The following DAXX variants were observed in gnomAD, a reference collection of about 807,000 sequenced individuals.
DAXX encodes death domain associated protein.
A neutral mutation model predicts 61.9 loss-of-function variants in DAXX; 24 were observed. The ratio of observed to expected loss-of-function variants is 0.39; its 90% CI spans 0.28 to 0.55. The LOEUF (loss-of-function observed/expected upper bound fraction) is 0.55, where lower values mean the gene tolerates loss of function less well. DAXX is among the 20% of genes least tolerant of loss of function. The pLI is 0.69. For synonymous variants in DAXX, 357 were observed against 369.5 expected (o/e 0.97, Z 0.39); for missense variants, 819 against 935.3 (o/e 0.88, Z 1.62).
At position 33,319,764 on chromosome 6, in the gene DAXX, C is replaced by T. The variant is rs1770305394; in HGVS notation, c.1556G>A (p.Gly519Glu). 1.2e-6 allele frequency: 2 copies of T among 1,614,190 alleles called. No individual in the cohort carries two copies. The highest frequency in any genetic ancestry group is 2.7e-5 in the African/African-American group (2 of 75,042). The change falls in exon 6 of 8, where the codon GGG (glycine) becomes GAG (glutamate). Residue 519 changes from glycine to glutamate, a missense_variant. Transcript: ENST00000374542. ...EPGKQISRSSGEQQNKGRIVS... is the reference protein window; with the variant it reads ...EPGKQISRSSEEQQNKGRIVS... ...TATGCGTCCTTTGTTTTGCTGCTCC[C>T]CTGAAGATCTGCTGATCTGTTTGCC... is the stretch of plus-strand genomic sequence containing the variant.
Position 33,320,346 on chromosome 6 carries a change from CAAT to C in DAXX, c.1251+31_1251+33del. ...CCTGGTGGCCAGTGCAGGGGAAGGA[CAAT>C]GTCTCTCTGAAGGCTGTACCCCATC... On this transcript the variant is annotated intron_variant, in intron 4 of 7. Coordinates refer to ENST00000374542, the MANE Select transcript of DAXX (RefSeq NM_001141969.2). This position sits in a 1 kb window ranked among gnomAD's most constrained non-coding sequence, Gnocchi z 7.1. The C allele has an allele frequency of 1.3e-6, 2 of 1,515,630 alleles. No individual in the cohort carries two copies. Among genetic ancestry groups the C allele is most frequent in the South Asian group, 2.2e-5 (2 of 89,180 alleles). 93.9% of individuals were successfully genotyped at this position (1,515,630 alleles called of 1,614,324 possible). A position where few individuals can be genotyped will look rare whatever the true frequency, so the allele number is the denominator to read the frequency against.
chr6:33,322,127 A>C (rs2151000643), intron 1 of DAXX, 150 bp from the exon 2 acceptor site: 8 of 469,762 alleles, frequency 1.7e-5, no homozygotes, highest in South Asian at 3.3e-5. Flanking sequence ...TTAGTTCTAT[A>C]TGCTTTTTGG....
rs1246935337 is a variant in DAXX, at chr6:33,319,747, C to T, written c.1573G>A (p.Gly525Arg). The T allele has an allele frequency of 3.7e-6, 6 of 1,614,204 alleles. No homozygotes were observed. The highest frequency in any genetic ancestry group is 5.1e-6 in the Non-Finnish European group (6 of 1,180,036). Residue 525 changes from glycine to arginine, a missense_variant, in exon 6 of 8, where the codon GGA (glycine) becomes AGA (arginine). Transcript: ENST00000374542. ...SRSSGEQQNK[G>R]RIVSPSLLSE... ...AGTAACGATGGTGACACTATGCGTC[C>T]TTTGTTTTGCTGCTCCCCTGAAGAT...
At chr6:33,322,041 A>G in intron 1 of DAXX, 64 bp from the exon 2 acceptor site, 1 of 1,218,716 alleles carries the variant, frequency 8.2e-7, no homozygotes, top group Non-Finnish European at 1.1e-6. Flanking sequence ...CACCTCACAC[A>G]TTTTCTGAAC....
In DAXX at chr6:33,320,669, G is replaced by A; in HGVS notation, c.1039+67C>T. 2 of 1,604,482 alleles carry A rather than the reference G, an allele frequency of 1.2e-6. No homozygotes were observed. Among genetic ancestry groups the A allele is most frequent in the Non-Finnish European group, 1.7e-6 (2 of 1,174,088 alleles). On this transcript the variant is annotated intron_variant, in intron 3 of 7. Transcript: ENST00000374542. This position sits in a 1 kb window ranked among gnomAD's most constrained non-coding sequence, Gnocchi z 7.1. ...AGTAAAAACCCTAGAAAGGACTAGA[G>A]AGATGCCCCATCCGCCTCATACCTG...
chr6:33,322,340 G>A (rs1184959702), intron 1 of DAXX, among the ~76,000 whole-genome samples: 3 of 151,858 alleles, frequency 2.0e-5, no homozygotes, highest in African/African-American at 7.3e-5. Flanking sequence ...TCCTGTGGGC[G>A]CCACCTCATG....
rs369424162 is a variant in DAXX at position 33,319,014 on chromosome 6, G to C, written c.2146C>G (p.Arg716Gly). The change falls in exon 7 of 8, where the codon CGG becomes GGG. Residue 716 changes from arginine (R) to glycine (G), a missense_variant. By Grantham distance (125) the Arg-to-Gly change is moderately radical. Coordinates refer to ENST00000374542, the MANE Select transcript of DAXX (RefSeq NM_001141969.2). ...LSQTPHSQPP[R>G]PGTCKTSVAT... ...CTTCTTACCTTGCAAGTACCAGGCC[G>C]AGGAGGCTGTGAATGGGGGGTTTGG... The C allele has an allele frequency of 1.2e-6, 2 of 1,613,166 alleles. No homozygotes were observed. Among genetic ancestry groups the C allele is most frequent in the Admixed American group, 1.7e-5 (1 of 60,000 alleles).
In DAXX at chr6:33,321,116, G is replaced by C. The variant is rs764044001; in HGVS notation, c.659C>G (p.Ser220Cys). 1 of 1,612,912 alleles carries C rather than the reference G, an allele frequency of 6.2e-7. No homozygotes were observed. The highest frequency in any genetic ancestry group is 8.5e-7 in the Non-Finnish European group (1 of 1,178,894). Residue 220 changes from serine to cysteine, a missense_variant, in exon 3 of 8, where the codon TCC becomes TGC. Coordinates refer to ENST00000374542, the MANE Select transcript of DAXX (RefSeq NM_001141969.2). The surrounding 1 kb of genome is among the most constrained non-coding windows in gnomAD (Gnocchi z 7.2). ...LDLSELDDPD[S>C]AYLQEARLKR... is the part of the protein sequence containing the mutation. ...CAACCGTGCCTCCTGCAGGTATGCG[G>C]AGTCTGGGTCATCCAATTCTGAGAG...
chr6:33,319,553 G>A lies in DAXX; in HGVS notation c.1767C>T (p.Ser589=). Residue 589 remains serine (S), a synonymous_variant, in exon 6 of 8, where the codon TCC becomes TCT. Transcript: ENST00000374542. ...PSSVETDISS[S]RKQSEEPFTT... is the part of the protein sequence containing the mutation. ...TGAAGGGCTCCTCTGATTGCTTCCTGGAAGAGGAAATGTCCGTCTCCACAG... is the reference window on the plus strand; with the variant it reads ...TGAAGGGCTCCTCTGATTGCTTCCTAGAAGAGGAAATGTCCGTCTCCACAG... 2 of 1,614,128 alleles carry A rather than the reference G, an allele frequency of 1.2e-6. No individual in the cohort carries two copies. The highest frequency in any genetic ancestry group is 1.7e-6 in the Non-Finnish European group (2 of 1,180,006).
At position 33,321,075 on chromosome 6, in the gene DAXX, G is replaced by A. The variant is rs767991311; in HGVS notation, c.700C>T (p.Arg234Cys). The A allele has an allele frequency of 7.4e-6, 12 of 1,613,294 alleles. No individual in the cohort carries two copies. The highest frequency in any genetic ancestry group is 2.2e-5 in the East Asian group (1 of 44,892). ...AGCTCACATAGTCGCCCAAAGAGGC[G>A]GATCAGCTTACGCTTCAACCGTGCC... is the stretch of plus-strand genomic sequence containing the variant. The part of the protein sequence containing the change: ...QEARLKRKLI[R>C]LFGRLCELKD... Residue 234 changes from arginine to cysteine, a missense_variant, in exon 3 of 8, where the codon CGC becomes TGC. Coordinates refer to ENST00000374542, the MANE Select transcript of DAXX (RefSeq NM_001141969.2). This position sits in a 1 kb window ranked among gnomAD's most constrained non-coding sequence, Gnocchi z 7.2.
chr6:33,322,022 C>T, intron 1 of DAXX, 45 bp from the exon 2 acceptor site: 1 of 1,409,526 alleles, frequency 7.1e-7, no homozygotes, highest in Non-Finnish European at 9.4e-7. Flanking sequence ...CAGCATAGCC[C>T]CATCCCTTCA....
At chr6:33,318,885 G>A in intron 7 of DAXX, 83 bp from the exon 8 acceptor site, 1 of 1,260,928 alleles carries the variant, frequency 7.9e-7, no homozygotes, top group South Asian at 1.3e-5. Flanking sequence ...GATAAAATGG[G>A]TGGGAAAAAG....
chr6:33,321,673 C>T lies in DAXX; in HGVS notation c.207+46G>A, dbSNP rs761231043. The T allele has an allele frequency of 1.9e-6, 3 of 1,601,658 alleles. No homozygotes were observed. Among genetic ancestry groups the T allele is most frequent in the Non-Finnish European group, 2.6e-6 (3 of 1,171,470 alleles). On this transcript the variant is annotated intron_variant, in intron 2 of 7. Coordinates refer to ENST00000374542, the MANE Select transcript of DAXX (RefSeq NM_001141969.2). This position sits in a 1 kb window ranked among gnomAD's most constrained non-coding sequence, Gnocchi z 7.2. Reference sequence around the variant, plus strand: ...AAGAAAGGACAGGAGAACCAGTCAGCCATCCCCCTCCCTGGGGTACAACAA... The same window carrying T: ...AAGAAAGGACAGGAGAACCAGTCAGTCATCCCCCTCCCTGGGGTACAACAA...
At chr6:33,322,828 C>A in intron 1 of DAXX, 34 bp downstream of exon 1, 1 of 1,140,960 alleles carries the variant, frequency 8.8e-7, no homozygotes, top group Non-Finnish European at 1.3e-6. Context: ...TATCCCCGCC[C>A]CCGCCTCTGA....
In DAXX at chr6:33,319,406, T is replaced by C. The variant is rs2051625; in HGVS notation, c.1914A>G (p.Gln638=). ...PCKKSRKEKK[Q]TGSGPLGNSY... ...TGTTTCCTAATGGCCCTGATCCTGT[T>C]TGCTTCTTCTCCTTCCGAGATTTTT... The change falls in exon 6 of 8, where the codon CAA becomes CAG. Residue 638 remains glutamine (Q), a synonymous_variant. Coordinates refer to ENST00000374542, the MANE Select transcript of DAXX (RefSeq NM_001141969.2). 0.023 allele frequency: 37,344 copies of C among 1,612,780 alleles called. 1,732 individuals carry two copies. The highest frequency in any genetic ancestry group is 0.19 in the African/African-American group (14,339 of 74,892).
At chr6:33,319,319 T>C (rs1305713384) in intron 6 of DAXX, 61 bp downstream of exon 6, 1 of 1,570,540 alleles carries the variant, frequency 6.4e-7, no homozygotes, top group Non-Finnish European at 8.6e-7. Context: ...CCAGTATTGC[T>C]CTCCGAAAGT....
rs1243318383 is a variant in DAXX at position 33,319,401 on chromosome 6, C to G, written c.1919G>C (p.Gly640Ala). 6.2e-7 allele frequency: 1 copy of G among 1,612,654 alleles called. No homozygotes were observed. The highest frequency in any genetic ancestry group is 1.1e-5 in the South Asian group (1 of 90,990). Reference sequence around the variant, plus strand: ...TTACCTGTTTCCTAATGGCCCTGATCCTGTTTGCTTCTTCTCCTTCCGAGA... The same window carrying G: ...TTACCTGTTTCCTAATGGCCCTGATGCTGTTTGCTTCTTCTCCTTCCGAGA... ...KKSRKEKKQT[G>A]SGPLGNSYVE... Residue 640 changes from glycine (G) to alanine (A), a missense_variant, in exon 6 of 8, where the codon GGA (glycine) becomes GCA (alanine). Gly to Ala is a moderately conservative substitution (Grantham distance 60). Transcript: ENST00000374542.
rs889759959 is a variant in DAXX at position 33,321,133 on chromosome 6, T to C, written c.642A>G (p.Glu214=). 11 of 1,613,374 alleles carry C rather than the reference T, an allele frequency of 6.8e-6. No individual in the cohort carries two copies. Among genetic ancestry groups the C allele is most frequent in the Admixed American group, 5.0e-5 (3 of 59,996 alleles). The stretch of plus-strand genomic sequence containing the variant: ...GGTATGCGGAGTCTGGGTCATCCAA[T>C]TCTGAGAGATCCAACTCCTTTTCCT... The part of the protein sequence containing the change: ...RLQEKELDLS[E]LDDPDSAYLQ... The change falls in exon 3 of 8, where the codon GAA becomes GAG. Residue 214 remains glutamate (E), a synonymous_variant. Transcript: ENST00000374542. The surrounding 1 kb of genome is among the most constrained non-coding windows in gnomAD (Gnocchi z 7.2).
In DAXX at chr6:33,320,743, A is replaced by G. The variant is rs1770485556; in HGVS notation, c.1032T>C (p.Tyr344=). The change falls in exon 3 of 8, where the codon TAT becomes TAC. Residue 344 remains tyrosine, a synonymous_variant. Coordinates refer to ENST00000374542, the MANE Select transcript of DAXX (RefSeq NM_001141969.2). This position sits in a 1 kb window ranked among gnomAD's most constrained non-coding sequence, Gnocchi z 7.1. ...YNFGCHLTDD[Y]RPGVDPALSD... is the part of the protein sequence containing the mutation. ...ATCCCACCAACCCCCTACCTGGCCT[A>G]TAGTCATCTGTGAGGTGGCAGCCAA... The G allele has an allele frequency of 6.2e-7, 1 of 1,613,902 alleles. No homozygotes were observed. The highest frequency in any genetic ancestry group is 1.7e-5 in the Admixed American group (1 of 60,000).
Sources: gnomAD v4.1 joint callset for allele counts (sites outside exome capture counted in the v4.1 genomes callset) on GRCh38, gnomAD v4.1.1 for gene constraint, Gnocchi (gnomAD v3.1) non-coding constraint, MANE v1.5 for transcripts, NCBI Gene and HGNC (gene_info 2026-07-23, HGNC 2026-07-21) for gene names.